The following RPL35A variants were observed in gnomAD, a reference collection of about 807,000 sequenced individuals.
RPL35A encodes large ribosomal subunit protein eL33.
Under a neutral mutation model 16.7 loss-of-function variants are expected in RPL35A, and 1 was observed. The ratio of observed to expected loss-of-function variants is 0.06; its 90% CI spans 0.02 to 0.28. The LOEUF is 0.28. Among genes scored for constraint, RPL35A ranks in the 10% least tolerant of loss-of-function variants. The pLI is 1.00. For synonymous variants in RPL35A, 58 were observed against 47.0 expected (o/e 1.23, Z -0.96); for missense variants, 91 against 138.7 (o/e 0.66, Z 1.73).
intron 3 of RPL35A, chr3:197,953,385 A>G (rs1720275949): frequency 2.2e-6 from 1 of 455,246 alleles, no homozygotes; most frequent in South Asian, 1.6e-5. Context: ...TTTAAAGGAA[A>G]TATATATAAA....
chr3:197,953,618 T>C (rs931571015), intron 3 of RPL35A: 10 of 458,346 alleles, frequency 2.2e-5, no homozygotes, highest in Non-Finnish European at 4.4e-6. Flanking sequence ...CTTTGTTCCA[T>C]GGTCACCTCA....
At chr3:197,952,315 G>A (rs1720174139) in intron 3 of RPL35A, among the ~76,000 whole-genome samples, 2 of 151,102 alleles carry the variant, frequency 1.3e-5, no homozygotes, top group South Asian at 4.2e-4. Context: ...GATTACAGGC[G>A]GCCGCCACCA....
At chr3:197,950,788 T>G in intron 1 of RPL35A, 148 bp from the exon 2 acceptor site, 1 of 680,124 alleles carries the variant, frequency 1.5e-6, no homozygotes, top group Non-Finnish European at 2.5e-6. Flanking sequence ...ACCCTGCGTT[T>G]CATATGGATG....
chr3:197,952,162 G>GTTTTTTTT (rs1161903755), intron 3 of RPL35A, among the ~76,000 whole-genome samples: 3 of 83,860 alleles, frequency 3.6e-5, no homozygotes, highest in African/African-American at 1.0e-4. Flanking sequence ...AAAATTATGG[G>GTTTTTTTT]TTTTTTTTTT....
intron 1 of RPL35A, 182 bp from the exon 2 acceptor site, chr3:197,950,754 T>C: frequency 1.6e-6 from 1 of 618,922 alleles, no homozygotes; most frequent in East Asian, 2.7e-5. Flanking sequence ...CCAGCTGTTC[T>C]CTGAGGTTTG....
At chr3:197,955,605 G>A (rs538389007) in intron 4 of RPL35A, 145 bp from the exon 5 acceptor site, 22 of 745,870 alleles carry the variant, frequency 2.9e-5, no homozygotes, top group African/African-American at 1.9e-4. Context: ...GTATGTTCAC[G>A]TAGAGACTGA....
rs969103101 is a variant in RPL35A at position 197,950,208 on chromosome 3, T to G, written c.-46T>G. On this transcript the variant is annotated 5_prime_UTR_variant, in exon 1 of 5. Coordinates refer to ENST00000647248, the MANE Select transcript of RPL35A (RefSeq NM_000996.4). Reference sequence around the variant, plus strand: ...CCTCGTCCTTCTCTTACCGCCATCTTGGCTCCTGTGGAGGTGAGTGAAGGG... The same window carrying G: ...CCTCGTCCTTCTCTTACCGCCATCTGGGCTCCTGTGGAGGTGAGTGAAGGG... 5 of 1,231,390 alleles carry G rather than the reference T, an allele frequency of 4.1e-6. No individual in the cohort carries two copies. The South Asian group carries it at 1.2e-4, about 31-fold the overall frequency. 76.3% of individuals were successfully genotyped at this position (1,231,390 alleles called of 1,614,324 possible).
intron 3 of RPL35A, among the ~76,000 whole-genome samples, chr3:197,952,162 G>GTTTTTTTTTTTTTT (rs1161903755): frequency 1.2e-5 from 1 of 83,860 alleles, no homozygotes; most frequent in African/African-American, 5.2e-5. Flanking sequence ...AAAATTATGG[G>GTTTTTTTTTTTTTT]TTTTTTTTTT....
chr3:197,955,204 G>T (rs957058223), intron 4 of RPL35A, among the ~76,000 whole-genome samples: 2 of 152,134 alleles, frequency 1.3e-5, no homozygotes, highest in African/African-American at 4.8e-5. Flanking sequence ...TTTATCAACA[G>T]AGGAGGCTTT....
intron 1 of RPL35A, 174 bp downstream of exon 1, chr3:197,950,395 C>T (rs901967722): frequency 3.6e-6 from 4 of 1,114,312 alleles, no homozygotes; most frequent in South Asian, 4.4e-5. Flanking sequence ...GTGTTTGGTC[C>T]CCTGACACCC....
In RPL35A at chr3:197,954,057, A is replaced by G. The variant is rs1302377974; in HGVS notation, c.219A>G (p.Lys73=). The change falls in exon 4 of 5, where the codon AAA becomes AAG. Residue 73 remains lysine (K), a synonymous_variant. Transcript: ENST00000647248. ...KPNKTRVIWG[K]VTRAHGNSGM... ...ACAAAACCAGAGTCATCTGGGGAAA[A>G]GTAACTCGGGCCCATGGAAACAGTG... 3.7e-6 allele frequency: 6 copies of G among 1,613,978 alleles called. No individual in the cohort carries two copies. The highest frequency in any genetic ancestry group is 2.7e-5 in the African/African-American group (2 of 74,938).
At chr3:197,952,713 T>G (rs1399388362) in intron 3 of RPL35A, 1 of 152,004 alleles carries the variant, frequency 6.6e-6, no homozygotes, top group African/African-American at 2.4e-5. Context: ...ACTCTGGTCT[T>G]GAACTCCTGA....
At chr3:197,951,691 G>A (rs1720104423) in intron 3 of RPL35A, 1 of 240,224 alleles carries the variant, frequency 4.2e-6, no homozygotes, top group South Asian at 4.8e-5. Flanking sequence ...AGATTTAGCT[G>A]AAGTACTTGG....
chr3:197,952,814 C>T (rs1720222281), intron 3 of RPL35A, among the ~76,000 whole-genome samples: 1 of 151,776 alleles, frequency 6.6e-6, no homozygotes, highest in African/African-American at 2.4e-5. Flanking sequence ...TTATGCATGC[C>T]TAAAGATGTT....
Position 197,955,787 on chromosome 3 carries a change from C to A in RPL35A, c.*14C>A, listed in dbSNP as rs10022. ...TCAAGGATTTAAACTAACGAAAAAT[C>A]AATAAATAAATGTGGATTTGTGCTC... On this transcript the variant is annotated 3_prime_UTR_variant, in exon 5 of 5. Coordinates refer to ENST00000647248, the MANE Select transcript of RPL35A (RefSeq NM_000996.4). 8.2e-4 allele frequency: 1,305 copies of A among 1,594,294 alleles called. 6 individuals carry two copies. Among genetic ancestry groups the A allele is most frequent in the African/African-American group, 5.3e-3 (394 of 74,500 alleles).
intron 3 of RPL35A, among the ~76,000 whole-genome samples, chr3:197,953,115 CAA>C (rs1435239238): frequency 2.6e-5 from 4 of 152,238 alleles, no homozygotes; most frequent in African/African-American, 9.6e-5. Context: ...GCCTGGACAA[CAA>C]GAGCAAATCC....
chr3:197,956,342 A>G lies in RPL35A; in HGVS notation c.*569A>G, dbSNP rs903707086. ...TTATGTTGATGGGCTTTGGCAGTTC[A>G]TTTGGATAGACTGGGATGAGAAGCT... On this transcript the variant is annotated 3_prime_UTR_variant, in exon 5 of 5. Coordinates refer to ENST00000647248, the MANE Select transcript of RPL35A (RefSeq NM_000996.4). 1 of 157,642 alleles carries G rather than the reference A, an allele frequency of 6.3e-6. No homozygotes were observed. Among genetic ancestry groups the G allele is most frequent in the Non-Finnish European group, 1.4e-5 (1 of 71,144 alleles). 9.8% of individuals were successfully genotyped at this position (157,642 alleles called of 1,614,324 possible).
intron 4 of RPL35A, chr3:197,954,457 C>G (rs1581107113): frequency 2.4e-6 from 1 of 416,560 alleles, no homozygotes; most frequent in Non-Finnish European, 4.5e-6. Flanking sequence ...CCTCAGCCCC[C>G]CAAGTAGCTG....
In RPL35A at chr3:197,950,997, G is replaced by A. The variant is rs1560119899; in HGVS notation, c.11+19G>A. The A allele has an allele frequency of 6.2e-7, 1 of 1,613,034 alleles. No individual in the cohort carries two copies. The highest frequency in any genetic ancestry group is 8.5e-7 in the Non-Finnish European group (1 of 1,178,960). On this transcript the variant is annotated intron_variant, in intron 2 of 4. Transcript: ENST00000647248. ...CTGGAAGGTACGCGTTTTAAATATAGTTCTTTATTTTTGTGTGTTAGACGT... is the reference window on the plus strand; with the variant it reads ...CTGGAAGGTACGCGTTTTAAATATAATTCTTTATTTTTGTGTGTTAGACGT...
Sources: allele counts gnomAD v4.1 joint callset (sites outside exome capture counted in the v4.1 genomes callset), GRCh38; gene constraint gnomAD v4.1.1; transcripts MANE v1.5; gene names NCBI Gene and HGNC (gene_info 2026-07-23, HGNC 2026-07-21).